PPIP5K2: variants seen among roughly 807,000 people sequenced by gnomAD.
The protein encoded by PPIP5K2 is diphosphoinositol pentakisphosphate kinase 2, also known as inositol hexakisphosphate and diphosphoinositol-pentakisphosphate kinase 2.
In PPIP5K2, 105 loss-of-function variants were observed where a neutral mutation model predicts 154.6. That is an observed-to-expected ratio of 0.68 (90% CI 0.58 to 0.80). The LOEUF is 0.80. Among genes scored for constraint, PPIP5K2 ranks in the 30% least tolerant of loss-of-function variants. PPIP5K2 has a pLI of 0.00. For missense variants in PPIP5K2, 992 were observed against 1,504.6 expected (o/e 0.66, Z 5.64); for synonymous variants, 480 against 490.3 (o/e 0.98, Z 0.28).
Position 103,184,709 on chromosome 5 carries a change from G to C in PPIP5K2, c.3134G>C (p.Arg1045Thr). The C allele has an allele frequency of 1.2e-6, 2 of 1,612,782 alleles. No homozygotes were observed. Among genetic ancestry groups the C allele is most frequent in the Non-Finnish European group, 1.7e-6 (2 of 1,179,042 alleles). ...AATGCTAATTACCTGAGAACACCAA[G>C]AACTCTTGTGGAACAGAAGCAGAAT... is the stretch of plus-strand genomic sequence containing the variant. Reference protein sequence around the residue: ...SENANYLRTPRTLVEQKQNPT... With the variant: ...SENANYLRTPTTLVEQKQNPT... Residue 1045 changes from arginine (R) to threonine (T), a missense_variant, in exon 26 of 31, where the codon AGA becomes ACA. Coordinates refer to ENST00000358359, the MANE Select transcript of PPIP5K2 (RefSeq NM_001276277.3).
intron 30 of PPIP5K2, among the ~76,000 whole-genome samples, chr5:103,198,280 A>C (rs1554229210): frequency 6.6e-6 from 1 of 152,064 alleles, no homozygotes; most frequent in East Asian, 1.9e-4. Context: ...TGTGGGACTT[A>C]TGGCTTAACA....
intron 19 of PPIP5K2, 46 bp from the exon 20 acceptor site, chr5:103,173,109 C>CT: frequency 8.1e-6 from 12 of 1,484,452 alleles, no homozygotes; most frequent in Non-Finnish European, 1.1e-5. Context: ...TTTTAGAGTA[C>CT]TTTGTCATTA....
intron 1 of PPIP5K2, among the ~76,000 whole-genome samples, chr5:103,128,129 T>A (rs1479532434): frequency 6.6e-6 from 1 of 152,144 alleles, no homozygotes; most frequent in African/African-American, 2.4e-5. Context: ...TAATGTCTAC[T>A]GGGGAGTCAC....
At chr5:103,195,693 T>A (rs999586492) in intron 30 of PPIP5K2, among the ~76,000 whole-genome samples, 4 of 152,224 alleles carry the variant, frequency 2.6e-5, no homozygotes, top group African/African-American at 7.2e-5. Context: ...ATCCTTCTTC[T>A]TTCTACATTC....
intron 10 of PPIP5K2, 82 bp from the exon 11 acceptor site, chr5:103,153,766 G>A (rs1794991319): frequency 1.1e-6 from 1 of 905,574 alleles, no homozygotes; most frequent in Non-Finnish European, 1.7e-6. Flanking sequence ...TTAAATAGAT[G>A]ACTAAATGTT....
At position 103,170,714 on chromosome 5, in the gene PPIP5K2, T is replaced by G. The variant is rs140827119; in HGVS notation, c.2286+2419T>G. 5.3e-5 allele frequency among the ~76,000 whole-genome samples: 8 copies of G among 151,534 alleles called. No individual in the cohort carries two copies. In the East Asian group the frequency reaches 1.5e-3, roughly 29 times the overall value. ...AATAAATATTATCTTGCTTTGTTAC[T>G]TTAGGCCTCATAAATACAAAAACTG... On this transcript the variant is annotated intron_variant, in intron 19 of 30. Coordinates refer to ENST00000358359, the MANE Select transcript of PPIP5K2 (RefSeq NM_001276277.3).
intron 29 of PPIP5K2, among the ~76,000 whole-genome samples, chr5:103,192,778 A>G (rs1190139867): frequency 1.3e-5 from 2 of 152,106 alleles, no homozygotes; most frequent in Non-Finnish European, 2.9e-5. Context: ...CAGTTGTGCT[A>G]ATTTCTAATT....
At chr5:103,198,079 G>T (rs1259927122) in intron 30 of PPIP5K2, among the ~76,000 whole-genome samples, 1 of 151,722 alleles carries the variant, frequency 6.6e-6, no homozygotes, top group Non-Finnish European at 1.5e-5. Context: ...AAGTTATATT[G>T]TATTTTCATT....
chr5:103,206,834 C>T lies in PPIP5K2; in HGVS notation c.*5200C>T, dbSNP rs1580534092. On this transcript the variant is annotated 3_prime_UTR_variant, in exon 31 of 31. Coordinates refer to ENST00000358359, the MANE Select transcript of PPIP5K2 (RefSeq NM_001276277.3). The stretch of plus-strand genomic sequence containing the variant: ...AGTCCAGGCAGAGGAAATTGTTTCA[C>T]TGCTAAGGAGCAATGAACAAAAGGT... 1 of 152,376 alleles carries T rather than the reference C, an allele frequency of 6.6e-6. No individual in the cohort carries two copies. The highest frequency in any genetic ancestry group is 2.4e-5 in the African/African-American group (1 of 41,588). 9.4% of individuals were successfully genotyped at this position (152,376 alleles called of 1,614,324 possible).
At chr5:103,164,791 A>G (rs1796888622) in intron 17 of PPIP5K2, among the ~76,000 whole-genome samples, 1 of 152,168 alleles carries the variant, frequency 6.6e-6, no homozygotes, top group African/African-American at 2.4e-5. Flanking sequence ...TTTATATTGT[A>G]GAAACTTACT....
chr5:103,171,607 A>G (rs1797997440), intron 19 of PPIP5K2, among the ~76,000 whole-genome samples: 1 of 151,644 alleles, frequency 6.6e-6, no homozygotes, highest in African/African-American at 2.4e-5. Context: ...TTGAAGAGAG[A>G]AATTTCTTGA....
At chr5:103,189,762 GT>G (rs1455173467) in intron 28 of PPIP5K2, among the ~76,000 whole-genome samples, 17 of 152,032 alleles carry the variant, frequency 1.1e-4, no homozygotes, top group African/African-American at 4.1e-4. Flanking sequence ...GAATTAGGCA[GT>G]TCTTGGGTCA....
At chr5:103,156,259 CTT>C (rs1197547752) in intron 14 of PPIP5K2, among the ~76,000 whole-genome samples, 2 of 152,078 alleles carry the variant, frequency 1.3e-5, no homozygotes, top group Non-Finnish European at 2.9e-5. Flanking sequence ...TTTCGGAAAA[CTT>C]ATTTGTTTAT....
At chr5:103,149,339 T>G in intron 8 of PPIP5K2, 26 bp downstream of exon 8, 1 of 1,573,334 alleles carries the variant, frequency 6.4e-7, no homozygotes, top group Non-Finnish European at 8.6e-7. Flanking sequence ...GGCCTATAGA[T>G]CCTTATAAAG....
intron 28 of PPIP5K2, among the ~76,000 whole-genome samples, chr5:103,187,908 AC>A (rs1800651460): frequency 6.6e-6 from 1 of 151,878 alleles, no homozygotes; most frequent in African/African-American, 2.4e-5. Context: ...CTAAAGCAAA[AC>A]CCTGTTCGGT....
rs145244726 is a variant in PPIP5K2 at position 103,130,807 on chromosome 5, T to C, written c.114+1104T>C. On this transcript the variant is annotated intron_variant, in intron 2 of 30. Transcript: ENST00000358359. The stretch of plus-strand genomic sequence containing the variant: ...AGCCTCTACTACCTTTGTCCCCTTT[T>C]TCTAGAGTTTTTCTGAACATGGTAT... 3.2e-3 allele frequency among the ~76,000 whole-genome samples: 482 copies of C among 152,268 alleles called. 4 individuals carry two copies. The highest frequency in any genetic ancestry group is 0.022 in the South Asian group (104 of 4,828).
chr5:103,155,429 T>TA (rs1562427000), intron 13 of PPIP5K2, among the ~76,000 whole-genome samples: 1 of 102,302 alleles, frequency 9.8e-6, no homozygotes, highest in East Asian at 2.7e-4. Context: ...TTTTTTTTTT[T>TA]TTTTTTTTTT....
At chr5:103,179,466 T>C (rs1554221920) in intron 23 of PPIP5K2, among the ~76,000 whole-genome samples, 3 of 152,140 alleles carry the variant, frequency 2.0e-5, no homozygotes, top group Admixed American at 2.0e-4. Context: ...AATCTGGGAC[T>C]GTGTCTTATT....
chr5:103,151,549 GAC>G lies in PPIP5K2; in HGVS notation c.1028+177_1028+178del, dbSNP rs566508436. Among the ~76,000 whole-genome samples the G allele has an allele frequency of 2.2e-4, 33 of 151,380 alleles. No homozygotes were observed. In the South Asian group the frequency reaches 5.8e-3, roughly 27 times the overall value. On this transcript the variant is annotated intron_variant, in intron 9 of 30. Coordinates refer to ENST00000358359, the MANE Select transcript of PPIP5K2 (RefSeq NM_001276277.3). The stretch of plus-strand genomic sequence containing the variant: ...CTGAATTATACTTTGGCTTATCAAA[GAC>G]AGATTAATTTATGATCAGTATAGAT...
Sources: gnomAD v4.1 joint callset for allele counts (sites outside exome capture counted in the v4.1 genomes callset) on GRCh38, gnomAD v4.1.1 for gene constraint, MANE v1.5 for transcripts, NCBI Gene and HGNC (gene_info 2026-07-23, HGNC 2026-07-21) for gene names.